The following HS3ST4 variants were observed in gnomAD, a reference collection of about 807,000 sequenced individuals.
The protein encoded by HS3ST4 is heparan sulfate glucosamine 3-O-sulfotransferase 4.
HS3ST4 carries 17 observed loss-of-function variants against 29.2 expected under a neutral mutation model. The ratio of observed to expected loss-of-function variants is 0.58; its 90% confidence interval spans 0.40 to 0.87. The LOEUF is 0.87. Ranked by LOEUF, HS3ST4 falls within the 40% of genes least tolerant of loss-of-function variation. The probability of loss-of-function intolerance (pLI) is 0.00; values close to 1 mark genes in which losing one functional copy is unlikely to be tolerated. For missense variants in HS3ST4, 627 were observed against 634.5 expected (o/e 0.99, Z 0.13); for synonymous variants, 314 against 285.7 (o/e 1.10, Z -1.00).
intron 1 of HS3ST4, among the ~76,000 whole-genome samples, chr16:26,086,303 C>A (rs1233852613): frequency 1.3e-5 from 2 of 152,144 alleles, no homozygotes; most frequent in Non-Finnish European, 2.9e-5. Flanking sequence ...AGTAGAGTGT[C>A]AGCACTATGA....
intron 1 of HS3ST4, among the ~76,000 whole-genome samples, chr16:26,023,645 T>C (rs1969437855): frequency 6.6e-6 from 1 of 151,970 alleles, no homozygotes; most frequent in Non-Finnish European, 1.5e-5. Flanking sequence ...GCCTCAAGTG[T>C]TCCTCTTGTC....
chr16:25,820,909 G>T (rs1967148046), intron 1 of HS3ST4, among the ~76,000 whole-genome samples: 1 of 151,814 alleles, frequency 6.6e-6, no homozygotes. Flanking sequence ...CTTGATGATT[G>T]GTCCTTAGGA....
chr16:26,111,388 G>A (rs935483087), intron 1 of HS3ST4, among the ~76,000 whole-genome samples: 4 of 68,462 alleles, frequency 5.8e-5, no homozygotes, highest in African/African-American at 9.5e-5. Context: ...GCCAGAAGGA[G>A]GTCTTTTTTT....
intron 1 of HS3ST4, among the ~76,000 whole-genome samples, chr16:25,727,324 T>C (rs1966542776): frequency 6.6e-6 from 1 of 152,116 alleles, no homozygotes; most frequent in Non-Finnish European, 1.5e-5. Context: ...GAGATGTATA[T>C]AGAGATATGA....
intron 1 of HS3ST4, among the ~76,000 whole-genome samples, chr16:25,746,664 G>A (rs1209979676): frequency 6.6e-6 from 1 of 151,640 alleles, no homozygotes; most frequent in Non-Finnish European, 1.5e-5. Context: ...CAATTCTCCT[G>A]CCTCAGCCTC....
At chr16:25,871,062 G>A (rs1258984323) in intron 1 of HS3ST4, among the ~76,000 whole-genome samples, 5 of 152,212 alleles carry the variant, frequency 3.3e-5, no homozygotes, top group Non-Finnish European at 5.9e-5. Flanking sequence ...CATTGCCCAA[G>A]AGTATGTTAG....
chr16:25,768,106 A>G (rs4624179), intron 1 of HS3ST4, among the ~76,000 whole-genome samples: 46,489 of 152,012 alleles, frequency 0.31, 8,050 homozygotes, highest in Middle Eastern at 0.41. Context: ...TCCTGTGAAC[A>G]TCACATGTCT....
chr16:25,907,512 G>T (rs1362196836), intron 1 of HS3ST4, among the ~76,000 whole-genome samples: 3 of 152,168 alleles, frequency 2.0e-5, no homozygotes, highest in Non-Finnish European at 4.4e-5. Flanking sequence ...CAAATGCAGG[G>T]AGTAAAGAAA....
intron 1 of HS3ST4, among the ~76,000 whole-genome samples, chr16:25,887,546 ATGGGCACAGC>A (rs1967966526): frequency 6.6e-6 from 1 of 152,240 alleles, no homozygotes; most frequent in East Asian, 1.9e-4. Flanking sequence ...CTGACTTGTG[ATGGGCACAGC>A]TGGCTTCTGC....
intron 1 of HS3ST4, among the ~76,000 whole-genome samples, chr16:26,064,610 CTTTTTTTTTTTTTT>C (rs869047078): frequency 6.7e-5 from 6 of 88,980 alleles, no homozygotes; most frequent in South Asian, 4.8e-4. Flanking sequence ...GGATTGTAGT[CTTTTTTTTTTTTTT>C]TTTTTTTTTT....
Position 25,772,895 on chromosome 16 carries a change from G to A in HS3ST4, c.734+79744G>A, listed in dbSNP as rs551288425. 5.7e-4 allele frequency among the ~76,000 whole-genome samples: 87 copies of A among 152,292 alleles called. 1 individual carries two copies. In the South Asian group the frequency reaches 0.017, roughly 31 times the overall value. On this transcript the variant is annotated intron_variant, in intron 1 of 1. Transcript: ENST00000331351. ...TGGAGAAACGGCCATGGCAGGGTAGGTGCTGGACAGACCAAGGTTGAAGAT... is the reference window on the plus strand; with the variant it reads ...TGGAGAAACGGCCATGGCAGGGTAGATGCTGGACAGACCAAGGTTGAAGAT...
intron 1 of HS3ST4, among the ~76,000 whole-genome samples, chr16:25,987,095 A>G (rs1161149008): frequency 1.3e-5 from 2 of 152,222 alleles, no homozygotes; most frequent in Non-Finnish European, 2.9e-5. Context: ...TCACGCCTGT[A>G]ATCCCAGCAC....
intron 1 of HS3ST4, among the ~76,000 whole-genome samples, chr16:26,013,008 C>A (rs1464414491): frequency 6.6e-6 from 1 of 151,678 alleles, no homozygotes; most frequent in African/African-American, 2.4e-5. Flanking sequence ...ACTAAAAATA[C>A]AAAAATTAGC....
chr16:26,032,100 G>C (rs1396557853), intron 1 of HS3ST4, among the ~76,000 whole-genome samples: 2 of 152,214 alleles, frequency 1.3e-5, no homozygotes, highest in African/African-American at 2.4e-5. Context: ...CAGATTGCCT[G>C]ACACACTGGT....
At chr16:26,120,957 G>T (rs12596324) in intron 1 of HS3ST4, among the ~76,000 whole-genome samples, 64,756 of 151,986 alleles carry the variant, frequency 0.43, 13,943 homozygotes, top group African/African-American at 0.46. Flanking sequence ...TAATTAACAC[G>T]CGTACTGAGC....
intron 1 of HS3ST4, 27 bp downstream of exon 1, chr16:25,693,178 T>G (rs749553834): frequency 6.5e-7 from 1 of 1,532,776 alleles, no homozygotes. Flanking sequence ...CGCGGGCTGG[T>G]GGAGACGCGT....
chr16:25,984,672 TGTTCCTG>T, intron 1 of HS3ST4, among the ~76,000 whole-genome samples: 1 of 152,352 alleles, frequency 6.6e-6, no homozygotes, highest in Middle Eastern at 3.4e-3. Context: ...AGGAACTTTC[TGTTCCTG>T]GTTTATTTCA....
intron 1 of HS3ST4, among the ~76,000 whole-genome samples, chr16:25,821,095 T>A (rs1264224234): frequency 1.3e-5 from 2 of 149,904 alleles, no homozygotes; most frequent in Non-Finnish European, 3.0e-5. Context: ...TCTTGCTCAG[T>A]CGCCCAGGCT....
intron 1 of HS3ST4, among the ~76,000 whole-genome samples, chr16:25,700,680 C>G (rs892281801): frequency 6.6e-6 from 1 of 152,144 alleles, no homozygotes; most frequent in Non-Finnish European, 1.5e-5. Context: ...TGAACCACCG[C>G]CCCGTTCAAG....
Sources: allele counts gnomAD v4.1 joint callset (sites outside exome capture counted in the v4.1 genomes callset), GRCh38; gene constraint gnomAD v4.1.1; transcripts MANE v1.5; gene names NCBI Gene and HGNC (gene_info 2026-07-23, HGNC 2026-07-21).